COL5A2: variants seen among roughly 807,000 people sequenced by gnomAD.
COL5A2 encodes the protein collagen alpha-2(V) chain.
In COL5A2, 23 loss-of-function variants were observed where a neutral mutation model predicts 208.2. That is an observed-to-expected ratio of 0.11 (90% CI 0.08 to 0.16). The LOEUF (loss-of-function observed/expected upper bound fraction) is 0.16, where lower values mean the gene tolerates loss of function less well. COL5A2 is among the 10% of genes least tolerant of loss of function. The pLI, the probability that COL5A2 is intolerant of heterozygous loss-of-function variation, is 1.00. For synonymous variants in COL5A2, 625 were observed against 628.5 expected (o/e 0.99, Z 0.08); for missense variants, 1,590 against 1,956.4 (o/e 0.81, Z 3.53).
chr2:189,386,715 T>A, the COL5A2 span, among the ~76,000 whole-genome samples: 5 of 151,874 alleles, frequency 3.3e-5, no homozygotes, highest in Admixed American at 6.6e-5. Flanking sequence ...AACAAACATA[T>A]GAAAAAAATG....
chr2:189,404,524 A>AT, the COL5A2 span, among the ~76,000 whole-genome samples: 1 of 152,186 alleles, frequency 6.6e-6, no homozygotes, highest in Admixed American at 6.5e-5. Flanking sequence ...TCCCCTGGTT[A>AT]TAACAGACCT....
intron 1 of COL5A2, among the ~76,000 whole-genome samples, chr2:189,143,744 TG>T (rs1467434744): frequency 1.3e-5 from 2 of 151,962 alleles, no homozygotes; most frequent in Non-Finnish European, 2.9e-5. Flanking sequence ...AAGAGAGACG[TG>T]TGGAGGTTAG....
chr2:189,281,095 T>C, the COL5A2 span, among the ~76,000 whole-genome samples: 2 of 152,152 alleles, frequency 1.3e-5, no homozygotes, highest in Non-Finnish European at 2.9e-5. Context: ...TTATTTACCA[T>C]AAATTTGAAT....
intron 1 of COL5A2, among the ~76,000 whole-genome samples, chr2:189,141,613 T>C (rs1207585239): frequency 6.6e-6 from 1 of 152,176 alleles, no homozygotes; most frequent in African/African-American, 2.4e-5. Context: ...ATGGGTCACG[T>C]AGTTAATGCA....
chr2:189,084,975 C>T (rs548970151), intron 11 of COL5A2, among the ~76,000 whole-genome samples, 185 bp downstream of exon 11: 9 of 152,262 alleles, frequency 5.9e-5, no homozygotes, highest in South Asian at 2.1e-4. Context: ...CATAATACTA[C>T]GCAAATTAAG....
chr2:189,184,323 A>C (rs1428993023), upstream of COL5A2, among the ~76,000 whole-genome samples: 3 of 152,146 alleles, frequency 2.0e-5, no homozygotes, highest in East Asian at 1.9e-4. Flanking sequence ...CAAGCTAAAG[A>C]AACAGCAAGT....
chr2:189,051,178 C>A, intron 42 of COL5A2, 142 bp downstream of exon 42: 1 of 945,240 alleles, frequency 1.1e-6, no homozygotes, highest in Non-Finnish European at 1.6e-6. Context: ...TTTCCTAAAG[C>A]CTTATAGATT....
At chr2:189,380,214 A>C in the COL5A2 span, among the ~76,000 whole-genome samples, 1 of 152,052 alleles carries the variant, frequency 6.6e-6, no homozygotes, top group East Asian at 1.9e-4. Context: ...GGTAGATGAG[A>C]TATTCCAGAA....
the COL5A2 span, among the ~76,000 whole-genome samples, chr2:189,312,359 G>A: frequency 2.6e-5 from 4 of 151,992 alleles, no homozygotes; most frequent in Non-Finnish European, 2.9e-5. Flanking sequence ...CCAGGCCCCC[G>A]GATCCCACGC....
At chr2:189,187,692 C>T (rs572978551) in intron 1 of COL5A2, among the ~76,000 whole-genome samples, 3 of 152,058 alleles carry the variant, frequency 2.0e-5, no homozygotes, top group South Asian at 2.1e-4. Flanking sequence ...TACTATTGGC[C>T]GGGCGCGGTG....
chr2:189,198,783 T>C (rs1689037607), intron 1 of COL5A2, among the ~76,000 whole-genome samples: 1 of 152,198 alleles, frequency 6.6e-6, no homozygotes, highest in Admixed American at 6.5e-5. Context: ...ATGCAATTAT[T>C]GGAAATGATG....
chr2:189,051,442 T>C lies in COL5A2; in HGVS notation c.2809A>G (p.Lys937Glu). 1 of 1,612,854 alleles carries C rather than the reference T, an allele frequency of 6.2e-7. No individual in the cohort carries two copies. Among genetic ancestry groups the C allele is most frequent in the Non-Finnish European group, 8.5e-7 (1 of 1,179,282 alleles). ...CCACGAAGACCTGGAGGTCCCTCCT[T>C]CCCGGGTTCCCCTAGGGGTCCCGCA... ...GPAGPLGEPG[K>E]EGPPGLRGDP... The change falls in exon 42 of 54, where the codon AAG (lysine) becomes GAG (glutamate). Residue 937 changes from lysine (K) to glutamate (E), a missense_variant. Physicochemically the swap from Lys to Glu is moderately conservative, Grantham distance 56. Coordinates refer to ENST00000374866, the MANE Select transcript of COL5A2 (RefSeq NM_000393.5).
At chr2:189,260,753 T>C in the COL5A2 span, among the ~76,000 whole-genome samples, 30 of 152,190 alleles carry the variant, frequency 2.0e-4, no homozygotes, top group Non-Finnish European at 3.2e-4. Flanking sequence ...ATTCAGAATA[T>C]GTAAAAGGGA....
At chr2:189,396,830 T>C in the COL5A2 span, among the ~76,000 whole-genome samples, 1 of 151,146 alleles carries the variant, frequency 6.6e-6, no homozygotes. Flanking sequence ...CCGTCTCTAC[T>C]AACATACAAA....
chr2:189,033,555 G>T lies in COL5A2; in HGVS notation c.*515C>A, dbSNP rs113311693. The T allele has an allele frequency of 6.0e-6, 1 of 167,256 alleles. No individual in the cohort carries two copies. Among genetic ancestry groups the T allele is most frequent in the Admixed American group, 5.7e-5 (1 of 17,662 alleles). The allele number at this position is 167,256 out of a possible 1,614,324, so 10.4% of individuals were successfully genotyped here. A position where few individuals can be genotyped will look rare whatever the true frequency, so the allele number is the denominator to read the frequency against. On this transcript the variant is annotated 3_prime_UTR_variant, in exon 54 of 54. Coordinates refer to ENST00000374866, the MANE Select transcript of COL5A2 (RefSeq NM_000393.5). ...ATATCAAGACATGCATGTAGGTCTC[G>T]ATCACAAGTTAAACATTTTAAACTC...
intron 7 of COL5A2, among the ~76,000 whole-genome samples, chr2:189,091,237 T>A (rs1686777240): frequency 6.6e-6 from 1 of 152,194 alleles, no homozygotes; most frequent in Non-Finnish European, 1.5e-5. Flanking sequence ...AGCCTGAAGA[T>A]GTTGCTTAAT....
chr2:189,387,975 G>C, the COL5A2 span, among the ~76,000 whole-genome samples: 2 of 152,100 alleles, frequency 1.3e-5, no homozygotes, highest in African/African-American at 4.8e-5. Context: ...TGTAGGGACA[G>C]GGTCTCACTA....
intron 17 of COL5A2, among the ~76,000 whole-genome samples, chr2:189,073,765 C>T (rs180753717): frequency 5.2e-4 from 79 of 152,226 alleles, no homozygotes; most frequent in Non-Finnish European, 9.6e-4. Context: ...GGGAAAAGCA[C>T]ATGTATAATA....
At chr2:189,387,785 G>A in the COL5A2 span, among the ~76,000 whole-genome samples, 2 of 152,132 alleles carry the variant, frequency 1.3e-5, no homozygotes, top group African/African-American at 2.4e-5. Context: ...TCAAACTAGA[G>A]GGACAGTATT....
Sources: allele counts gnomAD v4.1 joint callset (sites outside exome capture counted in the v4.1 genomes callset), GRCh38; gene constraint gnomAD v4.1.1; transcripts MANE v1.5; gene names NCBI Gene and HGNC (gene_info 2026-07-23, HGNC 2026-07-21).